Variants in ARK2C observed in about 807,000 individuals in gnomAD.
ARK2C encodes arkadia (RNF111) C-terminal like ring finger ubiquitin ligase 2C, also known as E3 ubiquitin-protein ligase ARK2C.
chr18:46,441,861 CAAAAAAAA>C, the ARK2C span, among the ~76,000 whole-genome samples: 271 of 122,060 alleles, frequency 2.2e-3, 1 homozygote, highest in African/African-American at 7.7e-3. Context: ...GACTCCATCT[CAAAAAAAA>C]AAAAAAAAAA....
At chr18:46,347,174 C>T in the ARK2C span, among the ~76,000 whole-genome samples, 12 of 152,328 alleles carry the variant, frequency 7.9e-5, no homozygotes, top group South Asian at 4.1e-4. Context: ...GGGGAGTGAT[C>T]GGGTCAGCCC....
the ARK2C span, among the ~76,000 whole-genome samples, chr18:46,446,469 AAGACCAG>A: frequency 6.6e-6 from 1 of 151,960 alleles, no homozygotes; most frequent in African/African-American, 2.4e-5. Context: ...TCAGGAGTTC[AAGACCAG>A]CCTGGACAAC....
chr18:46,336,071 G>A, the ARK2C span: 2 of 985,298 alleles, frequency 2.0e-6, no homozygotes, highest in Non-Finnish European at 2.4e-6. Flanking sequence ...GGGTGTGTGA[G>A]GAAGAAAGAG....
the ARK2C span, among the ~76,000 whole-genome samples, chr18:46,369,393 G>T: frequency 6.6e-6 from 1 of 152,118 alleles, no homozygotes; most frequent in Non-Finnish European, 1.5e-5. Context: ...GGGTGGCAGG[G>T]GGGTGGGAGA....
chr18:46,374,423 C>T, the ARK2C span, among the ~76,000 whole-genome samples: 13 of 152,268 alleles, frequency 8.5e-5, no homozygotes, highest in Non-Finnish European at 1.3e-4. Context: ...TCCCCATTCT[C>T]CTCCCGCCAG....
At chr18:46,351,539 T>G in the ARK2C span, among the ~76,000 whole-genome samples, 1 of 152,182 alleles carries the variant, frequency 6.6e-6, no homozygotes, top group African/African-American at 2.4e-5. Flanking sequence ...TTGTCCTCCC[T>G]CAGCAGCCCA....
At chr18:46,455,358 G>A in the ARK2C span, among the ~76,000 whole-genome samples, 1 of 152,062 alleles carries the variant, frequency 6.6e-6, no homozygotes, top group Non-Finnish European at 1.5e-5. Context: ...TGGTGTGAAG[G>A]GACCAGAAAA....
At chr18:46,435,553 G>A in the ARK2C span, among the ~76,000 whole-genome samples, 46 of 152,280 alleles carry the variant, frequency 3.0e-4, 1 homozygote, top group Admixed American at 2.9e-3. Context: ...CCACCCTCTG[G>A]GCCAGATGGT....
the ARK2C span, chr18:46,387,233 A>G: frequency 2.4e-4 from 37 of 152,298 alleles, no homozygotes; most frequent in African/African-American, 8.7e-4. Context: ...AGGCATGCAT[A>G]AAAAAAGGCA....
the ARK2C span, chr18:46,447,701 A>T: frequency 6.2e-7 from 1 of 1,614,096 alleles, no homozygotes; most frequent in Non-Finnish European, 8.5e-7. Context: ...TGGTAAGTGA[A>T]AGAAGACGGA....
At chr18:46,375,114 C>T in the ARK2C span, among the ~76,000 whole-genome samples, 1 of 152,218 alleles carries the variant, frequency 6.6e-6, no homozygotes, top group African/African-American at 2.4e-5. Flanking sequence ...TCTGCATCTG[C>T]CTGAGTCTCT....
At chr18:46,370,572 C>A in the ARK2C span, among the ~76,000 whole-genome samples, 1 of 152,104 alleles carries the variant, frequency 6.6e-6, no homozygotes, top group Non-Finnish European at 1.5e-5. Flanking sequence ...TGTCTGGTCC[C>A]AGGTGGCAGT....
chr18:46,394,724 C>T, the ARK2C span, among the ~76,000 whole-genome samples: 2 of 152,226 alleles, frequency 1.3e-5, no homozygotes, highest in Non-Finnish European at 2.9e-5. Flanking sequence ...AAACCCACAG[C>T]TTTCCTTCAT....
chr18:46,350,553 GC>G, the ARK2C span, among the ~76,000 whole-genome samples: 3 of 152,168 alleles, frequency 2.0e-5, no homozygotes, highest in African/African-American at 7.2e-5. Context: ...AACCCCTGCA[GC>G]AGTTACAGCA....
At chr18:46,456,220 T>C in the ARK2C span, 1,991 of 660,862 alleles carry the variant, frequency 3.0e-3, 34 homozygotes, top group African/African-American at 0.032. Flanking sequence ...GCTTCATGGT[T>C]GCCCTGGGAA....
At chr18:46,390,439 G>GACAGTGTTTGA in the ARK2C span, among the ~76,000 whole-genome samples, 12 of 152,370 alleles carry the variant, frequency 7.9e-5, no homozygotes, top group Admixed American at 5.2e-4. Flanking sequence ...GACAGCCAAT[G>GACAGTGTTTGA]ACAGTGTTTG....
the ARK2C span, among the ~76,000 whole-genome samples, chr18:46,352,994 C>CCCAAATAGGCATGCTATGCTAGGACTAG: frequency 1.3e-5 from 2 of 152,196 alleles, no homozygotes; most frequent in African/African-American, 2.4e-5. Flanking sequence ...AGCATGCCCT[C>CCCAAATAGGCATGCTATGCTAGGACTAG]CATGGCTTCA....
At chr18:46,394,543 G>A in the ARK2C span, among the ~76,000 whole-genome samples, 5 of 152,186 alleles carry the variant, frequency 3.3e-5, no homozygotes, top group African/African-American at 7.2e-5. Flanking sequence ...CTCTCATTCA[G>A]CATTCAGTTC....
chr18:46,443,102 G>T, the ARK2C span, among the ~76,000 whole-genome samples: 1 of 151,982 alleles, frequency 6.6e-6, no homozygotes, highest in Non-Finnish European at 1.5e-5. Context: ...TGTTAATTGG[G>T]GTGTCTAGAC....
Sources: gnomAD v4.1 joint callset for allele counts (sites outside exome capture counted in the v4.1 genomes callset) on GRCh38, gnomAD v4.1.1 for gene constraint, MANE v1.5 for transcripts, NCBI Gene and HGNC (gene_info 2026-07-23, HGNC 2026-07-21) for gene names.